IGF1: variants seen among roughly 807,000 people sequenced by gnomAD.
The protein encoded by IGF1 is insulin like growth factor 1.
IGF1 carries 4 observed loss-of-function variants against 13.8 expected under a neutral mutation model. That is an observed-to-expected ratio of 0.29 (90% CI 0.14 to 0.66). The LOEUF (loss-of-function observed/expected upper bound fraction) is 0.66. IGF1 is among the 30% of genes least tolerant of loss of function. IGF1 has a pLI of 0.78. For missense variants in IGF1, 124 were observed against 188.5 expected, an observed-to-expected ratio of 0.66 and a Z score of 2.00; for synonymous variants, 76 against 72.6, an observed-to-expected ratio of 1.05 and a Z score of -0.23.
chr12:102,410,318 T>G lies in IGF1; in HGVS notation c.403-7752A>C, dbSNP rs573262775. On this transcript the variant is annotated intron_variant, in intron 3 of 3. Transcript: ENST00000337514. ...GATCAGGGCTCCCCAGACTGTTGATTTTATGGGCAGCTTGTTTGCTTAGCT... is the reference window on the plus strand; with the variant it reads ...GATCAGGGCTCCCCAGACTGTTGATGTTATGGGCAGCTTGTTTGCTTAGCT... 4.6e-5 allele frequency among the ~76,000 whole-genome samples: 7 copies of G among 152,308 alleles called. No homozygotes were observed. The East Asian group carries it at 1.4e-3, about 29-fold the overall frequency.
chr12:102,406,406 T>C (rs188682758), intron 3 of IGF1, among the ~76,000 whole-genome samples: 43 of 151,882 alleles, frequency 2.8e-4, no homozygotes, highest in Admixed American at 2.7e-3. Flanking sequence ...GCAAAAACTT[T>C]TCACTTCAGC....
At chr12:102,452,419 A>T (rs936773585) in intron 2 of IGF1, among the ~76,000 whole-genome samples, 10 of 152,178 alleles carry the variant, frequency 6.6e-5, no homozygotes, top group Non-Finnish European at 1.3e-4. Context: ...GCAGTGTGAG[A>T]ATGGACTCAT....
chr12:102,440,712 T>A (rs535614571), intron 2 of IGF1, among the ~76,000 whole-genome samples: 19 of 152,266 alleles, frequency 1.2e-4, no homozygotes, highest in African/African-American at 4.1e-4. Flanking sequence ...TCTGGCAGCA[T>A]TATTCAACTT....
chr12:102,480,567 G>A, upstream of IGF1: 3 of 1,442,528 alleles, frequency 2.1e-6, no homozygotes, highest in Non-Finnish European at 1.8e-6. Flanking sequence ...ACAGAAGAGG[G>A]ATTTAGAGAA....
In IGF1 at chr12:102,475,048, AG is replaced by A. The variant is rs1368190421; in HGVS notation, c.220+594del. 2.6e-5 allele frequency among the ~76,000 whole-genome samples: 4 copies of A among 152,316 alleles called. No individual in the cohort carries two copies. In the East Asian group the frequency reaches 7.7e-4, roughly 29 times the overall value. ...AAAAAATCAAGGTCAAGTGGCATAG[AG>A]GGCAAATCAGTATGGCATTTCAGTT... is the stretch of plus-strand genomic sequence containing the variant. On this transcript the variant is annotated intron_variant, in intron 2 of 3. Coordinates refer to ENST00000337514, the MANE Select transcript of IGF1 (RefSeq NM_000618.5).
intron 2 of IGF1, among the ~76,000 whole-genome samples, chr12:102,469,211 G>C (rs1880536060): frequency 6.6e-6 from 1 of 152,112 alleles, no homozygotes; most frequent in Non-Finnish European, 1.5e-5. Flanking sequence ...CCTGGATTAT[G>C]GTGTCTGTGA....
At chr12:102,425,489 A>G (rs1876120293) in intron 2 of IGF1, among the ~76,000 whole-genome samples, 1 of 152,110 alleles carries the variant, frequency 6.6e-6, no homozygotes, top group Non-Finnish European at 1.5e-5. Flanking sequence ...CCCATAACCC[A>G]AAAGACCAAA....
intron 3 of IGF1, among the ~76,000 whole-genome samples, chr12:102,410,998 C>T (rs144970034): frequency 6.3e-4 from 96 of 152,286 alleles, no homozygotes; most frequent in African/African-American, 2.2e-3. Flanking sequence ...ACATTTTATG[C>T]ATGCATACAG....
intron 2 of IGF1, among the ~76,000 whole-genome samples, chr12:102,420,758 T>C (rs1317627236): frequency 6.6e-6 from 1 of 152,188 alleles, no homozygotes; most frequent in East Asian, 1.9e-4. Context: ...GACAGAAACT[T>C]GCTTTCTCTT....
In IGF1 at chr12:102,395,963, C is replaced by G. The variant is rs1207538035; in HGVS notation, c.*6544G>C. 6.6e-6 allele frequency: 1 copy of G among 152,080 alleles called. No individual in the cohort carries two copies. The allele number at this position is 152,080 out of a possible 1,614,324, so 9.4% of individuals were successfully genotyped here. ...TCTAGCCATACATTTTCAAAATATG[C>G]TTATTAAACAGTAAATGTAAGATAA... On this transcript the variant is annotated 3_prime_UTR_variant, in exon 4 of 4. Transcript: ENST00000337514.
chr12:102,422,414 C>T (rs1875813030), intron 2 of IGF1, among the ~76,000 whole-genome samples: 1 of 152,096 alleles, frequency 6.6e-6, no homozygotes, highest in East Asian at 1.9e-4. Context: ...TTACCTATTG[C>T]CTTTTGAAGT....
intron 2 of IGF1, among the ~76,000 whole-genome samples, chr12:102,473,319 G>A (rs1489654299): frequency 6.6e-6 from 1 of 152,132 alleles, no homozygotes; most frequent in Non-Finnish European, 1.5e-5. Flanking sequence ...TGAAAACAAG[G>A]TCAATCTCTC....
intron 2 of IGF1, among the ~76,000 whole-genome samples, chr12:102,422,400 G>A (rs1875811173): frequency 6.6e-6 from 1 of 152,110 alleles, no homozygotes; most frequent in African/African-American, 2.4e-5. Context: ...AATATAACAA[G>A]TGTTTACCTA....
At chr12:102,429,077 G>T (rs1298148470) in intron 2 of IGF1, among the ~76,000 whole-genome samples, 2 of 152,066 alleles carry the variant, frequency 1.3e-5, no homozygotes, top group Non-Finnish European at 2.9e-5. Context: ...AAATTTAAAA[G>T]TCTATACGAA....
At chr12:102,434,583 T>C (rs1438485162) in intron 2 of IGF1, among the ~76,000 whole-genome samples, 10 of 150,106 alleles carry the variant, frequency 6.7e-5, no homozygotes, top group Admixed American at 6.0e-4. Context: ...AAGTCTTTGC[T>C]ATTGTGAATA....
rs397804756 is a variant in IGF1, at chr12:102,478,387, T to TA, written c.63+1931dup. On this transcript the variant is annotated intron_variant, in intron 1 of 3. Transcript: ENST00000337514. Reference sequence around the variant, plus strand: ...CAAATTTTAAAAGTTCTTTTTTTTTTAATCTTAGATAAATGGAATATTAAT... The same window carrying TA: ...CAAATTTTAAAAGTTCTTTTTTTTTTAAATCTTAGATAAATGGAATATTAAT... 1.6e-4 allele frequency: 123 copies of TA among 766,236 alleles called. 1 individual carries two copies. The highest frequency in any genetic ancestry group is 9.7e-4 in the African/African-American group (53 of 54,726). The allele number at this position is 766,236 out of a possible 1,614,324, so 47.5% of individuals were successfully genotyped here.
chr12:102,453,159 A>G (rs554281284), intron 2 of IGF1, among the ~76,000 whole-genome samples: 1 of 152,330 alleles, frequency 6.6e-6, no homozygotes, highest in East Asian at 1.9e-4. Context: ...CACTGCTGCC[A>G]TTAGCATTCT....
intron 2 of IGF1, among the ~76,000 whole-genome samples, chr12:102,468,507 A>G (rs189060208): frequency 7.7e-4 from 118 of 152,386 alleles, no homozygotes; most frequent in African/African-American, 2.7e-3. Context: ...AGACTAAACA[A>G]TGCATTAAAT....
chr12:102,417,643 C>T, intron 3 of IGF1: 1 of 1,344,216 alleles, frequency 7.4e-7, no homozygotes, highest in Non-Finnish European at 9.5e-7. Flanking sequence ...TTTCCGTTTT[C>T]TCCATGTTTC....
Sources: gnomAD v4.1 joint callset for allele counts (sites outside exome capture counted in the v4.1 genomes callset) on GRCh38, gnomAD v4.1.1 for gene constraint, MANE v1.5 for transcripts, NCBI Gene and HGNC (gene_info 2026-07-23, HGNC 2026-07-21) for gene names.